Variants in FBXO9 observed in about 807,000 individuals in gnomAD.
The protein encoded by FBXO9 is F-box only protein 9.
FBXO9 carries 43 observed loss-of-function variants against 63.7 expected under a neutral mutation model. The observed-to-expected ratio is 0.67, with a 90% confidence interval of 0.53 to 0.87. The LOEUF (loss-of-function observed/expected upper bound fraction) is 0.87, where lower values mean the gene tolerates loss of function less well. Ranked by LOEUF, FBXO9 falls within the 40% of genes least tolerant of loss-of-function variation. FBXO9 has a pLI of 0.00. For missense variants in FBXO9, 442 were observed against 533.2 expected (o/e 0.83, Z 1.68); for synonymous variants, 156 against 171.7 (o/e 0.91, Z 0.72).
In FBXO9 at chr6:53,073,617, A is replaced by C. The variant is rs1283363963; in HGVS notation, c.227A>C (p.Gln76Pro). 6.3e-7 allele frequency: 1 copy of C among 1,597,820 alleles called. No homozygotes were observed. Among genetic ancestry groups the C allele is most frequent in the East Asian group, 2.3e-5 (1 of 44,352 alleles). Residue 76 changes from glutamine to proline, a missense_variant, in exon 3 of 13, where the codon CAA (glutamine) becomes CCA (proline). Coordinates refer to ENST00000323557, the MANE Select transcript of FBXO9 (RefSeq NM_033480.3). ...ACATCGGCAGATACCAAAGGAAAAC[A>C]AGAACAGGCAAAAGAAGAAAAGTTA... Reference protein sequence around the residue: ...QKTSADTKGKQEQAKEEKARE... With the variant: ...QKTSADTKGKPEQAKEEKARE...
At position 53,082,513 on chromosome 6, in the gene FBXO9, TGGAG is replaced by T; in HGVS notation, c.550_553del (p.Glu184SerfsTer2). 6.2e-7 allele frequency: 1 copy of T among 1,612,354 alleles called. No individual in the cohort carries two copies. On this transcript the variant is annotated frameshift_variant, in exon 7 of 13. Coordinates refer to ENST00000323557, the MANE Select transcript of FBXO9 (RefSeq NM_033480.3). LOFTEE classifies it high-confidence loss of function. ...TGATTTTCTTTTGCAGTGCTGCCAA[TGGAG>T]GTCCTGATGTACATCTTCCGATGGG...
At chr6:53,082,450 GT>G in intron 6 of FBXO9, 53 bp from the exon 7 acceptor site, 4 of 1,181,902 alleles carry the variant, frequency 3.4e-6, no homozygotes, top group Non-Finnish European at 5.0e-6. Flanking sequence ...GAATGTAGTT[GT>G]GACAATAGAA....
Position 53,088,224 on chromosome 6 carries a change from G to A in FBXO9, c.654-4205G>A, listed in dbSNP as rs1022738797. On this transcript the variant is annotated intron_variant, in intron 7 of 12. Transcript: ENST00000323557. ...CAAAATTCTTCATTATTTAATCTTG[G>A]TTCACATGTCATAAGCAGTGAGTTT... Among the ~76,000 whole-genome samples the A allele has an allele frequency of 6.6e-5, 10 of 151,998 alleles. No homozygotes were observed. In the East Asian group the frequency reaches 7.7e-4, roughly 12 times the overall value.
At chr6:53,075,745 T>TA (rs1215566645) in intron 3 of FBXO9, among the ~76,000 whole-genome samples, 3 of 115,602 alleles carry the variant, frequency 2.6e-5, no homozygotes, top group Admixed American at 1.7e-4. Context: ...TTATTTTTTT[T>TA]TTTTTTTTTT....
At chr6:53,088,900 C>T (rs1762965908) in intron 7 of FBXO9, among the ~76,000 whole-genome samples, 1 of 150,582 alleles carries the variant, frequency 6.6e-6, no homozygotes, top group Non-Finnish European at 1.5e-5. Context: ...GCACCTGGCC[C>T]TAGTGGTTTT....
intron 7 of FBXO9, among the ~76,000 whole-genome samples, chr6:53,088,622 A>T (rs1762957346): frequency 6.8e-6 from 1 of 148,022 alleles, no homozygotes; most frequent in East Asian, 2.0e-4. Flanking sequence ...CCTTTTGAGG[A>T]CAGTCTCACT....
In FBXO9 at chr6:53,078,841, T is replaced by G. The variant is rs770626857; in HGVS notation, c.350T>G (p.Ile117Arg). 1 of 1,613,934 alleles carries G rather than the reference T, an allele frequency of 6.2e-7. No individual in the cohort carries two copies. The highest frequency in any genetic ancestry group is 1.3e-5 in the African/African-American group (1 of 75,050). ...AGGGCTATGCAACTTGTACCTGATA[T>G]AGAGTTCAAGATTACTTATACCCGG... ...YRRAMQLVPDIEFKITYTRSP... is the reference protein window; with the variant it reads ...YRRAMQLVPDREFKITYTRSP... Residue 117 changes from isoleucine to arginine, a missense_variant, in exon 5 of 13, where the codon ATA becomes AGA. By Grantham distance (97) the Ile-to-Arg change is moderately conservative. Coordinates refer to ENST00000323557, the MANE Select transcript of FBXO9 (RefSeq NM_033480.3).
chr6:53,096,659 CT>C (rs1172603990), intron 12 of FBXO9, among the ~76,000 whole-genome samples: 1 of 151,966 alleles, frequency 6.6e-6, no homozygotes, highest in Non-Finnish European at 1.5e-5. Flanking sequence ...AATCCCAGGA[CT>C]TTGGGGGGCC....
chr6:53,072,219 TTA>T (rs1768942141), intron 2 of FBXO9, among the ~76,000 whole-genome samples: 1 of 148,652 alleles, frequency 6.7e-6, no homozygotes. Context: ...ACGTCTTTTT[TTA>T]AAAAAAAAAA....
chr6:53,071,006 G>A, intron 1 of FBXO9, 51 bp from the exon 2 acceptor site: 1 of 1,551,800 alleles, frequency 6.4e-7, no homozygotes, highest in South Asian at 1.2e-5. Context: ...GATTGCAGAG[G>A]GCAACTGGTG....
rs1421134339 is a variant in FBXO9 at position 53,097,920 on chromosome 6, GTGTGTGTATATA to G, written c.*92_*103del. 1 of 139,886 alleles carries G rather than the reference GTGTGTGTATATA, an allele frequency of 7.1e-6. No homozygotes were observed. Among genetic ancestry groups the G allele is most frequent in the East Asian group, 1.6e-4 (1 of 6,408 alleles). The allele number at this position is 139,886 out of a possible 1,614,324, so 8.7% of individuals were successfully genotyped here. The stretch of plus-strand genomic sequence containing the variant: ...AAGTTATAAATGTGTGTGTGTGCGT[GTGTGTGTATATA>G]TATATATATATATATATATATATAT... On this transcript the variant is annotated 3_prime_UTR_variant, in exon 13 of 13. Coordinates refer to ENST00000323557, the MANE Select transcript of FBXO9 (RefSeq NM_033480.3).
chr6:53,086,790 G>A (rs1170848591), intron 7 of FBXO9, among the ~76,000 whole-genome samples: 1 of 152,128 alleles, frequency 6.6e-6, no homozygotes, highest in Admixed American at 6.5e-5. Context: ...ATTTCAGGCC[G>A]GACATGGTCA....
intron 7 of FBXO9, among the ~76,000 whole-genome samples, chr6:53,085,366 G>A (rs1769448588): frequency 6.6e-6 from 1 of 152,024 alleles, no homozygotes. Context: ...CAGCAGTTTT[G>A]GACTGTAGCT....
chr6:53,082,529 C>T lies in FBXO9; in HGVS notation c.564C>T (p.Tyr188=), dbSNP rs370808513. Residue 188 remains tyrosine, a synonymous_variant, in exon 7 of 13, where the codon TAC becomes TAT. Transcript: ENST00000323557. ...ISVLPMEVLM[Y]IFRWVVSSDL... ...TGCTGCCAATGGAGGTCCTGATGTA[C>T]ATCTTCCGATGGGTGGTGTCTAGTG... The T allele has an allele frequency of 6.2e-7, 1 of 1,613,550 alleles. No individual in the cohort carries two copies. Among genetic ancestry groups the T allele is most frequent in the Admixed American group, 1.7e-5 (1 of 59,970 alleles).
At chr6:53,070,017 C>CTTTTTTTTT (rs1032693222) in intron 1 of FBXO9, among the ~76,000 whole-genome samples, 24 of 109,374 alleles carry the variant, frequency 2.2e-4, no homozygotes, top group East Asian at 1.1e-3. Context: ...TTCTTTTTTC[C>CTTTTTTTTT]TTTTTTTTTT....
Position 53,073,592 on chromosome 6 carries a change from A to G in FBXO9, c.202A>G (p.Thr68Ala), listed in dbSNP as rs1768995353. The change falls in exon 3 of 13, where the codon ACA becomes GCA. Residue 68 changes from threonine (T) to alanine (A), a missense_variant. Thr to Ala is a moderately conservative substitution (Grantham distance 58). Transcript: ENST00000323557. ...AGCAGCAAGAGGCTCTCTCCAGAAA[A>G]CATCGGCAGATACCAAAGGAAAACA... ...CRAARGSLQK[T>A]SADTKGKQEQ... 1.9e-6 allele frequency: 3 copies of G among 1,608,996 alleles called. No homozygotes were observed. The highest frequency in any genetic ancestry group is 2.2e-5 in the East Asian group (1 of 44,800).
At chr6:53,071,226 G>C in intron 2 of FBXO9, 83 bp downstream of exon 2, 1 of 1,322,618 alleles carries the variant, frequency 7.6e-7, no homozygotes, top group South Asian at 1.4e-5. Flanking sequence ...ATGGGTATTT[G>C]TAGGTTATTA....
chr6:53,071,316 A>T (rs957263050), intron 2 of FBXO9, among the ~76,000 whole-genome samples, 173 bp downstream of exon 2: 1 of 152,246 alleles, frequency 6.6e-6, no homozygotes, highest in Non-Finnish European at 1.5e-5. Flanking sequence ...TTGTGAAAAG[A>T]AATATCAATA....
intron 12 of FBXO9, among the ~76,000 whole-genome samples, chr6:53,096,517 C>T (rs543448429): frequency 2.0e-4 from 30 of 152,318 alleles, no homozygotes; most frequent in African/African-American, 4.8e-4. Context: ...GACAACAGAA[C>T]GTTTTTCTTT....
Sources: allele counts gnomAD v4.1 joint callset (sites outside exome capture counted in the v4.1 genomes callset), GRCh38; gene constraint gnomAD v4.1.1; transcripts MANE v1.5; gene names NCBI Gene and HGNC (gene_info 2026-07-23, HGNC 2026-07-21).